Variants in LRRC75A observed in about 807,000 individuals in gnomAD.
The protein encoded by LRRC75A is leucine-rich repeat-containing protein 75A.
Under a neutral mutation model 26.0 loss-of-function variants are expected in LRRC75A, and 12 were observed. The observed-to-expected ratio is 0.46, with a 90% CI of 0.30 to 0.75. The LOEUF (loss-of-function observed/expected upper bound fraction) is 0.75. Ranked by LOEUF, LRRC75A falls within the 30% of genes least tolerant of loss-of-function variation. The probability of loss-of-function intolerance (pLI) is 0.08; values close to 1 mark genes in which losing one functional copy is unlikely to be tolerated. For synonymous variants in LRRC75A, 223 were observed against 219.3 expected, an observed-to-expected ratio of 1.02 and a Z score of -0.15; for missense variants, 410 against 486.6, an observed-to-expected ratio of 0.84 and a Z score of 1.48.
chr17:16,472,086 T>A (rs957173314), intron 1 of LRRC75A, among the ~76,000 whole-genome samples: 2 of 152,028 alleles, frequency 1.3e-5, no homozygotes, highest in African/African-American at 4.8e-5. Flanking sequence ...TTTATCGTAA[T>A]AAAAAAATAG....
intron 1 of LRRC75A, among the ~76,000 whole-genome samples, chr17:16,478,844 A>G (rs1398630626): frequency 6.6e-6 from 1 of 152,216 alleles, no homozygotes; most frequent in African/African-American, 2.4e-5. Flanking sequence ...TGTGGAAAAC[A>G]TAAGTCTGCA....
In LRRC75A at chr17:16,462,357, G is replaced by A. The variant is rs138746572; in HGVS notation, c.276C>T (p.Asp92=). Residue 92 remains aspartate, a synonymous_variant, in exon 2 of 4, where the codon GAC becomes GAT. Coordinates refer to ENST00000470794, the MANE Select transcript of LRRC75A (RefSeq NM_001113567.3). The surrounding 1 kb of genome is among the most constrained non-coding windows in gnomAD (Gnocchi z 4.6). ...AGCTGGCGTAGCGATACAGAACGTC[G>A]TCTAGCGAGGTCGACTCCATGCCCA... ...QDLGMESTSL[D]DVLYRYASFR... is the part of the protein sequence containing the mutation. The A allele has an allele frequency of 8.4e-5, 135 of 1,614,124 alleles. No individual in the cohort carries two copies. Among genetic ancestry groups the A allele is most frequent in the African/African-American group, 6.0e-4 (45 of 75,058 alleles).
intron 2 of LRRC75A, among the ~76,000 whole-genome samples, chr17:16,449,411 C>T (rs2093612812): frequency 6.6e-6 from 1 of 152,156 alleles, no homozygotes; most frequent in Admixed American, 6.6e-5. Context: ...GAAAGGATTA[C>T]AGTACAGACC....
At chr17:16,457,365 G>A (rs183800107) in intron 2 of LRRC75A, among the ~76,000 whole-genome samples, 1 of 152,182 alleles carries the variant, frequency 6.6e-6, no homozygotes, top group African/African-American at 2.4e-5. Context: ...TGCTCAGAAG[G>A]CTGGGCTCTA....
rs2143471873 is a variant in LRRC75A at position 16,492,119 on chromosome 17, G to C, written c.-129C>G. ...ACTTTGGGGGAACTGTTGCGCGCGG[G>C]CGTCGCGGGGGCGGGCGGGCGGGCG... On this transcript the variant is annotated 5_prime_UTR_variant, in exon 1 of 4. Coordinates refer to ENST00000470794, the MANE Select transcript of LRRC75A (RefSeq NM_001113567.3). 1 of 813,364 alleles carries C rather than the reference G, an allele frequency of 1.2e-6. No individual in the cohort carries two copies. The highest frequency in any genetic ancestry group is 1.9e-5 in the African/African-American group (1 of 53,276). 50.4% of individuals were successfully genotyped at this position (813,364 alleles called of 1,614,324 possible).
intron 3 of LRRC75A, among the ~76,000 whole-genome samples, chr17:16,446,002 A>G (rs1372968180): frequency 6.6e-6 from 1 of 152,164 alleles, no homozygotes; most frequent in East Asian, 1.9e-4. Context: ...TCCGCCTCCC[A>G]GGTTCAAGTG....
Position 16,443,618 on chromosome 17 carries a change from G to A in LRRC75A, c.1005C>T (p.Gly335=). Residue 335 remains glycine, a synonymous_variant, in exon 4 of 4, where the codon GGC becomes GGT. Coordinates refer to ENST00000470794, the MANE Select transcript of LRRC75A (RefSeq NM_001113567.3). ...TCTGAGCTGCAGCTACAGTCTCCTTGCCCTCATGGTGGTCTTCGGCAGGTG... is the reference window on the plus strand; with the variant it reads ...TCTGAGCTGCAGCTACAGTCTCCTTACCCTCATGGTGGTCTTCGGCAGGTG... ...PVAPAEDHHE[G]KETVAAAQT is the part of the protein sequence containing the mutation. The A allele has an allele frequency of 6.5e-7, 1 of 1,540,824 alleles. No homozygotes were observed. Among genetic ancestry groups the A allele is most frequent in the Non-Finnish European group, 8.8e-7 (1 of 1,138,758 alleles).
At chr17:16,458,168 T>C (rs771165667) in intron 2 of LRRC75A, among the ~76,000 whole-genome samples, 5 of 151,912 alleles carry the variant, frequency 3.3e-5, no homozygotes, top group Non-Finnish European at 7.4e-5. Context: ...TAGCCAGTTG[T>C]GGTGGCAGGT....
At position 16,443,996 on chromosome 17, in the gene LRRC75A, C is replaced by G; in HGVS notation, c.627G>C (p.Leu209=). 1 of 1,613,898 alleles carries G rather than the reference C, an allele frequency of 6.2e-7. No homozygotes were observed. The highest frequency in any genetic ancestry group is 8.5e-7 in the Non-Finnish European group (1 of 1,180,008). Residue 209 remains leucine, a synonymous_variant, in exon 4 of 4, where the codon CTG becomes CTC. Coordinates refer to ENST00000470794, the MANE Select transcript of LRRC75A (RefSeq NM_001113567.3). ...RCGEQVDSVE[L]GFTGLTDDMV... is the part of the protein sequence containing the mutation. ...TGTCGTCCGTGAGGCCTGTGAAGCC[C>G]AGCTCCACGCTGTCTACCTGCTCCC...
chr17:16,453,322 A>G (rs867675234), intron 2 of LRRC75A, among the ~76,000 whole-genome samples: 1 of 139,278 alleles, frequency 7.2e-6, no homozygotes, highest in African/African-American at 2.9e-5. Context: ...GCACACACGC[A>G]CACACGCACA....
At position 16,491,627 on chromosome 17, in the gene LRRC75A, G is replaced by GGCCCCTGGGCGGTGCCCCTCGGT. The variant is rs2093857446; in HGVS notation, c.246+95_246+117dup. On this transcript the variant is annotated intron_variant, in intron 1 of 3. Transcript: ENST00000470794. This position sits in a 1 kb window ranked among gnomAD's most constrained non-coding sequence, Gnocchi z 5.9. ...GACAGGGCTCCATCCCCGCGGAAGG[G>GGCCCCTGGGCGGTGCCCCTCGGT]GCCCCTGGGCGGTGCCCCTCGGTGC... 5.7e-6 allele frequency: 4 copies of GGCCCCTGGGCGGTGCCCCTCGGT among 705,252 alleles called. No homozygotes were observed. Among genetic ancestry groups the GGCCCCTGGGCGGTGCCCCTCGGT allele is most frequent in the South Asian group, 5.7e-5 (1 of 17,686 alleles). 43.7% of individuals were successfully genotyped at this position (705,252 alleles called of 1,614,324 possible).
intron 1 of LRRC75A, among the ~76,000 whole-genome samples, chr17:16,480,422 G>A (rs973988366): frequency 2.6e-5 from 4 of 152,054 alleles, no homozygotes; most frequent in Non-Finnish European, 4.4e-5. Context: ...CTGAGCTCAG[G>A]AGTTCGAGAC....
chr17:16,456,539 A>C (rs2093686970), intron 2 of LRRC75A, among the ~76,000 whole-genome samples: 1 of 152,150 alleles, frequency 6.6e-6, no homozygotes, highest in South Asian at 2.1e-4. Flanking sequence ...CACATACCCT[A>C]ACTCCTCCAG....
chr17:16,450,267 G>A (rs1470059233), intron 2 of LRRC75A, among the ~76,000 whole-genome samples: 1 of 152,232 alleles, frequency 6.6e-6, no homozygotes, highest in Non-Finnish European at 1.5e-5. Flanking sequence ...GCAAGAGAAG[G>A]AGACTCTGAG....
At chr17:16,459,173 C>T (rs950167455) in intron 2 of LRRC75A, among the ~76,000 whole-genome samples, 1 of 152,224 alleles carries the variant, frequency 6.6e-6, no homozygotes, top group African/African-American at 2.4e-5. Flanking sequence ...ATGAACAAGA[C>T]AGACACCCTT....
rs61738496 is a variant in LRRC75A at position 16,462,260 on chromosome 17, G to A, written c.373C>T (p.Pro125Ser). 1,546 of 1,614,042 alleles carry A rather than the reference G, an allele frequency of 9.6e-4. 18 individuals are homozygous for A. In the African/African-American group the frequency reaches 0.018, roughly 19 times the overall value. Residue 125 changes from proline to serine, a missense_variant and splice_region_variant, in exon 2 of 4, where the codon CCG becomes TCG. Pro to Ser is a moderately conservative substitution (Grantham distance 74, BLOSUM62 -1). Coordinates refer to ENST00000470794, the MANE Select transcript of LRRC75A (RefSeq NM_001113567.3). The surrounding 1 kb of genome is among the most constrained non-coding windows in gnomAD (Gnocchi z 4.6). Reference protein sequence around the residue: ...SLARYIHCPKPEGDALGAMEK... With the variant: ...SLARYIHCPKSEGDALGAMEK... Reference sequence around the variant, plus strand: ...GGCTCGGACCACAGCCACCCTACCGGCTTGGGACAGTGGATGTAGCGTGCC... The same window carrying A: ...GGCTCGGACCACAGCCACCCTACCGACTTGGGACAGTGGATGTAGCGTGCC...
Position 16,491,754 on chromosome 17 carries a change from G to C in LRRC75A, c.237C>G (p.His79Gln). Residue 79 changes from histidine (H) to glutamine (Q), a missense_variant, in exon 1 of 4, where the codon CAC becomes CAG. Coordinates refer to ENST00000470794, the MANE Select transcript of LRRC75A (RefSeq NM_001113567.3). This position sits in a 1 kb window ranked among gnomAD's most constrained non-coding sequence, Gnocchi z 5.9. The part of the protein sequence containing the change: ...RREEAGTLLQ[H>Q]LRQDLGMEST... ...CCCTCCCCGCGCTCACCTGGCGCAGGTGCTGCAGCAGCGTCCCCGCCTCCT... is the reference window on the plus strand; with the variant it reads ...CCCTCCCCGCGCTCACCTGGCGCAGCTGCTGCAGCAGCGTCCCCGCCTCCT... 1.4e-6 allele frequency: 2 copies of C among 1,409,020 alleles called. No homozygotes were observed. The highest frequency in any genetic ancestry group is 1.9e-6 in the Non-Finnish European group (2 of 1,081,066). The allele number at this position is 1,409,020 out of a possible 1,614,324, so 87.3% of individuals were successfully genotyped here.
intron 2 of LRRC75A, chr17:16,448,176 T>C (rs1007752125): frequency 2.7e-5 from 15 of 556,246 alleles, no homozygotes; most frequent in Admixed American, 6.0e-5. Context: ...GTTGCTAGCA[T>C]TGAAAAACAG....
intron 3 of LRRC75A, among the ~76,000 whole-genome samples, chr17:16,445,336 T>C (rs1185643257): frequency 6.6e-6 from 1 of 151,910 alleles, no homozygotes; most frequent in Admixed American, 6.6e-5. Flanking sequence ...TGGCTAATTT[T>C]TTGTATTTTT....
Sources: allele counts gnomAD v4.1 joint callset (sites outside exome capture counted in the v4.1 genomes callset), GRCh38; gene constraint gnomAD v4.1.1; non-coding constraint Gnocchi (gnomAD v3.1); transcripts MANE v1.5; gene names NCBI Gene and HGNC (gene_info 2026-07-23, HGNC 2026-07-21).